The following TBC1D32 variants were observed in gnomAD, a reference collection of about 807,000 sequenced individuals.
TBC1D32 encodes TBC1 domain family member 32, also known as protein broad-minded.
A neutral mutation model predicts 170.3 loss-of-function variants in TBC1D32; 151 were observed. The ratio of observed to expected loss-of-function variants is 0.89; its 90% CI spans 0.78 to 1.01. The LOEUF is 1.01. TBC1D32 is among the 50% of genes least tolerant of loss of function. The pLI is 0.00. For synonymous variants in TBC1D32, 498 were observed against 488.0 expected (o/e 1.02, Z -0.27); for missense variants, 1,464 against 1,457.1 (o/e 1.00, Z -0.08).
chr6:121,239,441 AT>A (rs1796685640), intron 19 of TBC1D32, among the ~76,000 whole-genome samples: 1 of 152,114 alleles, frequency 6.6e-6, no homozygotes, highest in South Asian at 2.1e-4. Context: ...AGACTGCTGA[AT>A]TTTGAGTCCC....
Position 121,089,073 on chromosome 6 carries a change from A to C in TBC1D32, c.3654+1780T>G, listed in dbSNP as rs531766733. 2.7e-4 allele frequency among the ~76,000 whole-genome samples: 41 copies of C among 152,306 alleles called. No individual in the cohort carries two copies. In the South Asian group the frequency reaches 5.2e-3, roughly 19 times the overall value. ...GAAGAAAAATAAGTGGTAGGCACTTAATGAATTTAGTAATGTTTGTTATTT... is the reference window on the plus strand; with the variant it reads ...GAAGAAAAATAAGTGGTAGGCACTTCATGAATTTAGTAATGTTTGTTATTT... On this transcript the variant is annotated intron_variant, in intron 31 of 31. Coordinates refer to ENST00000398212, the MANE Select transcript of TBC1D32 (RefSeq NM_152730.6).
At chr6:121,215,193 G>A (rs1793667054) in intron 21 of TBC1D32, among the ~76,000 whole-genome samples, 1 of 152,180 alleles carries the variant, frequency 6.6e-6, no homozygotes, top group Non-Finnish European at 1.5e-5. Context: ...ACCACAGTCA[G>A]GCTCGGAAAA....
intron 28 of TBC1D32, 52 bp downstream of exon 28, chr6:121,113,010 G>A (rs1562520736): frequency 7.3e-7 from 1 of 1,364,220 alleles, no homozygotes. Context: ...AAAGAATCAT[G>A]AAAAATATGT....
At chr6:121,258,551 G>C (rs1309923123) in intron 15 of TBC1D32, among the ~76,000 whole-genome samples, 1 of 151,028 alleles carries the variant, frequency 6.6e-6, no homozygotes, top group East Asian at 1.9e-4. Context: ...TTCCATATCT[G>C]TTTCTCCACA....
chr6:121,188,629 C>T (rs1296093003), intron 22 of TBC1D32, among the ~76,000 whole-genome samples: 1 of 152,020 alleles, frequency 6.6e-6, no homozygotes, highest in Non-Finnish European at 1.5e-5. Flanking sequence ...CTCCCCCCAA[C>T]AAAAACAAAA....
At chr6:121,249,200 CAAT>C (rs1242916763) in intron 17 of TBC1D32, among the ~76,000 whole-genome samples, 1 of 149,518 alleles carries the variant, frequency 6.7e-6, no homozygotes, top group Non-Finnish European at 1.5e-5. Context: ...GAATTAAAAA[CAAT>C]AAAATTATTA....
intron 9 of TBC1D32, among the ~76,000 whole-genome samples, chr6:121,300,986 T>C (rs1806380167): frequency 1.3e-5 from 2 of 152,086 alleles, no homozygotes; most frequent in South Asian, 2.1e-4. Context: ...AAAACCACAA[T>C]GAGATACCAT....
chr6:121,181,743 T>C (rs1264484859), intron 22 of TBC1D32, among the ~76,000 whole-genome samples: 1 of 152,118 alleles, frequency 6.6e-6, no homozygotes. Context: ...CATCAACAAA[T>C]AAATAAAGAA....
rs543452310 is a variant in TBC1D32, at chr6:121,143,677, C to T, written c.2774-11925G>A. ...CAAAACAAGAATGGAAAGTAGATGA[C>T]TCTTGCTGTTAAAATAACTTTGGTG... On this transcript the variant is annotated intron_variant, in intron 24 of 31. Transcript: ENST00000398212. Among the ~76,000 whole-genome samples, 4 of 152,304 alleles carry T rather than the reference C, an allele frequency of 2.6e-5. No homozygotes were observed. The South Asian group carries it at 8.3e-4, about 32-fold the overall frequency.
At chr6:121,329,401 C>G (rs1445999516) in intron 1 of TBC1D32, among the ~76,000 whole-genome samples, 1 of 152,168 alleles carries the variant, frequency 6.6e-6, no homozygotes, top group South Asian at 2.1e-4. Flanking sequence ...GTAATCCCAG[C>G]ACTTTGGAAG....
intron 30 of TBC1D32, among the ~76,000 whole-genome samples, chr6:121,099,633 A>G (rs1449006495): frequency 6.6e-6 from 1 of 151,950 alleles, no homozygotes; most frequent in African/African-American, 2.4e-5. Flanking sequence ...ATAATTACTT[A>G]ATCACATATA....
At chr6:121,278,605 T>A (rs1351898215) in intron 15 of TBC1D32, among the ~76,000 whole-genome samples, 1 of 152,116 alleles carries the variant, frequency 6.6e-6, no homozygotes, top group African/African-American at 2.4e-5. Context: ...AATGCAGACA[T>A]TAAAAATCAT....
intron 22 of TBC1D32, among the ~76,000 whole-genome samples, chr6:121,169,115 A>G (rs1252025576): frequency 6.6e-6 from 1 of 152,224 alleles, no homozygotes. Flanking sequence ...AGCCAACACA[A>G]TCTTAAGCAA....
chr6:121,293,253 AAGAAATT>A (rs896709215), intron 11 of TBC1D32, among the ~76,000 whole-genome samples: 17 of 151,022 alleles, frequency 1.1e-4, no homozygotes, highest in African/African-American at 4.1e-4. Context: ...TTTTAATATC[AAGAAATT>A]AGAAAAATCT....
At chr6:121,170,499 C>A (rs368503464) in intron 22 of TBC1D32, 31 of 1,603,234 alleles carry the variant, frequency 1.9e-5, no homozygotes, top group Non-Finnish European at 2.2e-5. Flanking sequence ...AGAAGAGTGT[C>A]CAGATCACAG....
At chr6:121,198,628 G>A (rs1210606431) in intron 22 of TBC1D32, among the ~76,000 whole-genome samples, 7 of 151,122 alleles carry the variant, frequency 4.6e-5, no homozygotes, top group Admixed American at 2.0e-4. Context: ...GCAGGCGCCT[G>A]TAGTCCCAGC....
chr6:121,276,179 A>T (rs1332642050), intron 15 of TBC1D32, among the ~76,000 whole-genome samples: 1 of 151,992 alleles, frequency 6.6e-6, no homozygotes. Context: ...AAGTTTATTC[A>T]AAGTAATTAT....
intron 2 of TBC1D32, among the ~76,000 whole-genome samples, chr6:121,320,311 T>C (rs1041896935): frequency 1.3e-5 from 2 of 151,824 alleles, no homozygotes; most frequent in Admixed American, 6.6e-5. Context: ...ACCGAGTCAT[T>C]TAAAATCTTT....
chr6:121,217,153 A>C (rs1583260427), intron 21 of TBC1D32, among the ~76,000 whole-genome samples: 2 of 152,202 alleles, frequency 1.3e-5, no homozygotes, highest in East Asian at 3.9e-4. Context: ...TGGTGACTCA[A>C]ACTGCAGCTG....
Sources: gnomAD v4.1 joint callset for allele counts (sites outside exome capture counted in the v4.1 genomes callset) on GRCh38, gnomAD v4.1.1 for gene constraint, MANE v1.5 for transcripts, NCBI Gene and HGNC (gene_info 2026-07-23, HGNC 2026-07-21) for gene names.